TMEM232: variants seen among roughly 807,000 people sequenced by gnomAD.
TMEM232 encodes transmembrane protein 232.
Under a neutral mutation model 78.8 loss-of-function variants are expected in TMEM232, and 80 were observed. The observed-to-expected ratio is 1.01, with a 90% CI of 0.85 to 1.22. The LOEUF is 1.22. Among genes scored for constraint, TMEM232 ranks in the 50% most tolerant of loss-of-function variants. TMEM232 has a pLI of 0.00. For synonymous variants in TMEM232, 297 were observed against 254.3 expected, an observed-to-expected ratio of 1.17 and a Z score of -1.60; for missense variants, 881 against 742.2, an observed-to-expected ratio of 1.19 and a Z score of -2.17.
At chr5:110,419,183 T>G (rs1433194279), downstream of TMEM232, among the ~76,000 whole-genome samples, 1 of 151,846 alleles carries the variant, frequency 6.6e-6, no homozygotes, top group Admixed American at 6.6e-5. Context: ...TTTTTTCCTT[T>G]GCACAAGGGA....
intron 13 of TMEM232, among the ~76,000 whole-genome samples, chr5:110,421,459 T>C (rs934144733): frequency 6.6e-6 from 1 of 151,978 alleles, no homozygotes; most frequent in Non-Finnish European, 1.5e-5. Flanking sequence ...TTTTCTCTTC[T>C]AATACATTTG....
chr5:110,660,712 G>C (rs942776603), intron 2 of TMEM232, among the ~76,000 whole-genome samples: 1 of 151,676 alleles, frequency 6.6e-6, no homozygotes, highest in Non-Finnish European at 1.5e-5. Flanking sequence ...TGGATACATA[G>C]ATAGTTGTAC....
intron 10 of TMEM232, among the ~76,000 whole-genome samples, chr5:110,582,018 CA>C (rs1203432523): frequency 6.6e-6 from 1 of 151,616 alleles, no homozygotes; most frequent in Non-Finnish European, 1.5e-5. Context: ...CAGATTCCGG[CA>C]AAAGTTGCAG....
intron 1 of TMEM232, among the ~76,000 whole-genome samples, chr5:110,715,584 A>AT (rs1424475075): frequency 2.0e-5 from 3 of 152,144 alleles, no homozygotes; most frequent in Non-Finnish European, 4.4e-5. Context: ...ACATTAATAC[A>AT]TTTTCTAAGG....
At chr5:110,463,936 G>C (rs1381623081) in intron 12 of TMEM232, among the ~76,000 whole-genome samples, 1 of 152,104 alleles carries the variant, frequency 6.6e-6, no homozygotes, top group African/African-American at 2.4e-5. Flanking sequence ...TTTTCACCTG[G>C]AGGCCTTTGT....
chr5:110,452,360 A>G (rs2149337927), intron 12 of TMEM232, among the ~76,000 whole-genome samples: 1 of 152,318 alleles, frequency 6.6e-6, no homozygotes, highest in Non-Finnish European at 1.5e-5. Flanking sequence ...TTTTGATCAG[A>G]AAAACACAGT....
At chr5:110,524,097 T>C (rs1437999510) in intron 12 of TMEM232, among the ~76,000 whole-genome samples, 1 of 150,550 alleles carries the variant, frequency 6.6e-6, no homozygotes, top group Non-Finnish European at 1.5e-5. Context: ...ACGCCGTCTC[T>C]ACTGAAAATA....
At chr5:110,458,274 T>A (rs894566709) in intron 12 of TMEM232, among the ~76,000 whole-genome samples, 5 of 152,056 alleles carry the variant, frequency 3.3e-5, no homozygotes, top group Admixed American at 3.3e-4. Flanking sequence ...TTGTCATCTT[T>A]TTTTTGTTTT....
chr5:110,443,084 G>A (rs369830026), intron 12 of TMEM232, among the ~76,000 whole-genome samples: 2 of 152,128 alleles, frequency 1.3e-5, no homozygotes, highest in Non-Finnish European at 1.5e-5. Flanking sequence ...CCGCTGCCTG[G>A]CTACCACCTA....
chr5:110,562,506 C>T (rs73222664), intron 11 of TMEM232, among the ~76,000 whole-genome samples: 9,163 of 152,024 alleles, frequency 0.06, 560 homozygotes, highest in African/African-American at 0.15. Context: ...CCTGCTAATA[C>T]TAAAAAAAAG....
intron 10 of TMEM232, among the ~76,000 whole-genome samples, chr5:110,572,119 A>G (rs1052115361): frequency 6.6e-6 from 1 of 152,040 alleles, no homozygotes; most frequent in Non-Finnish European, 1.5e-5. Flanking sequence ...TTTTAAGCTC[A>G]GGAGACTGAA....
chr5:110,387,794 T>G (rs900246706), exon 5 of TMEM232: 2 of 152,198 alleles, frequency 1.3e-5, no homozygotes, highest in African/African-American at 4.8e-5. Flanking sequence ...ATTCACTGGA[T>G]TGGATTTGCC....
downstream of TMEM232, among the ~76,000 whole-genome samples, chr5:110,418,856 G>C (rs1041790658): frequency 1.3e-5 from 2 of 152,172 alleles, no homozygotes; most frequent in Admixed American, 6.5e-5. Flanking sequence ...AGGATTTGTT[G>C]AAATTCTTTT....
At chr5:110,468,355 G>A (rs547433709) in intron 12 of TMEM232, among the ~76,000 whole-genome samples, 33 of 151,772 alleles carry the variant, frequency 2.2e-4, no homozygotes, top group African/African-American at 7.5e-4. Flanking sequence ...TTGATTAAAC[G>A]CTTAAAAACA....
At position 110,524,962 on chromosome 5, in the gene TMEM232, G is replaced by C. The variant is rs914024351; in HGVS notation, c.1703+3626C>G. Among the ~76,000 whole-genome samples, 5 of 151,844 alleles carry C rather than the reference G, an allele frequency of 3.3e-5. No individual in the cohort carries two copies. The East Asian group carries it at 5.8e-4, about 18-fold the overall frequency. On this transcript the variant is annotated intron_variant, in intron 12 of 13. Transcript: ENST00000455884. ...ATCTAATGTAAGTATAGCCACACCT[G>C]CTCTCCTTTGGTTAGCATTTGCAAG...
At chr5:110,677,380 C>T (rs1792159542) in intron 1 of TMEM232, among the ~76,000 whole-genome samples, 1 of 152,018 alleles carries the variant, frequency 6.6e-6, no homozygotes, top group African/African-American at 2.4e-5. Context: ...GAGAACCCAG[C>T]TGAATCTGCC....
chr5:110,427,503 TAG>T (rs3065623), intron 12 of TMEM232, among the ~76,000 whole-genome samples: 2,932 of 151,956 alleles, frequency 0.019, 88 homozygotes, highest in African/African-American at 0.067. Flanking sequence ...AAATGAACAG[TAG>T]AGAGAGACTT....
At chr5:110,416,353 A>G (rs1381430607), downstream of TMEM232, among the ~76,000 whole-genome samples, 1 of 152,216 alleles carries the variant, frequency 6.6e-6, no homozygotes, top group Non-Finnish European at 1.5e-5. Flanking sequence ...TTTAGCCAAC[A>G]GAGGAGGTGA....
At chr5:110,719,030 T>A (rs1385564987) in intron 1 of TMEM232, among the ~76,000 whole-genome samples, 2 of 151,780 alleles carry the variant, frequency 1.3e-5, no homozygotes, top group Non-Finnish European at 2.9e-5. Flanking sequence ...CATCAAAGAG[T>A]CTACTTACAC....
Sources: allele counts gnomAD v4.1 joint callset (sites outside exome capture counted in the v4.1 genomes callset), GRCh38; gene constraint gnomAD v4.1.1; transcripts MANE v1.5; gene names NCBI Gene and HGNC (gene_info 2026-07-23, HGNC 2026-07-21).